Variants in NUDT6 observed in about 807,000 individuals in gnomAD.
NUDT6 encodes the protein nudix hydrolase 6.
A neutral mutation model predicts 36.8 loss-of-function variants in NUDT6; 24 were observed. That is an observed-to-expected ratio of 0.65 (90% CI 0.47 to 0.92). NUDT6 has a LOEUF of 0.92. Ranked by LOEUF, NUDT6 falls within the 40% of genes least tolerant of loss-of-function variation. The probability of loss-of-function intolerance (pLI) is 0.00; values close to 1 mark genes in which losing one functional copy is unlikely to be tolerated. For synonymous variants in NUDT6, 163 were observed against 157.0 expected (o/e 1.04, Z -0.29); for missense variants, 388 against 392.8 (o/e 0.99, Z 0.10).
chr4:122,893,420 G>A, intron 4 of NUDT6, 195 bp from the exon 5 acceptor site: 1 of 483,068 alleles, frequency 2.1e-6, no homozygotes, highest in Admixed American at 3.8e-5. Context: ...GTAAATTCAA[G>A]AAGCTTTTGA....
intron 4 of NUDT6, chr4:122,895,406 A>G (rs1288474683): frequency 2.0e-5 from 3 of 152,156 alleles, no homozygotes; most frequent in African/African-American, 4.8e-5. Context: ...TATATTTGTT[A>G]TTTCTATTTT....
chr4:122,917,720 A>G lies in NUDT6; in HGVS notation c.239-16T>C. 1 of 1,611,434 alleles carries G rather than the reference A, an allele frequency of 6.2e-7. No homozygotes were observed. The highest frequency in any genetic ancestry group is 1.7e-4 in the Middle Eastern group (1 of 6,030). On this transcript the variant is annotated splice_polypyrimidine_tract_variant and intron_variant, in intron 1 of 4. Transcript: ENST00000304430. ...TGTACTGCAGCTAAATGCAGAAGAA[A>G]AAAGTCTAAATAATTTCCAAAGAGA...
At chr4:122,917,434 G>A in intron 2 of NUDT6, 67 bp downstream of exon 2, 1 of 1,332,882 alleles carries the variant, frequency 7.5e-7, no homozygotes, top group Non-Finnish European at 1.1e-6. Context: ...TTGCTTAGCT[G>A]TAACAAGCAA....
At chr4:122,912,653 G>A (rs201613726) in intron 2 of NUDT6, 30 bp from the exon 3 acceptor site, 9 of 1,361,690 alleles carry the variant, frequency 6.6e-6, no homozygotes, top group Non-Finnish European at 9.4e-6. Flanking sequence ...AGATAATTGA[G>A]AAATATTAAT....
intron 4 of NUDT6, chr4:122,895,111 G>T (rs1727310022): frequency 6.6e-6 from 1 of 152,156 alleles, no homozygotes; most frequent in Admixed American, 6.5e-5. Flanking sequence ...AAGTGCTTTT[G>T]TCTCCAGAGT....
At chr4:122,922,111 C>T (rs531442051) in intron 1 of NUDT6, 3 of 410,384 alleles carry the variant, frequency 7.3e-6, no homozygotes, top group Non-Finnish European at 8.6e-6. Flanking sequence ...GGTTGCAGAT[C>T]CCAAAGTCCG....
chr4:122,900,218 G>A (rs886073595), intron 3 of NUDT6, among the ~76,000 whole-genome samples: 3 of 151,922 alleles, frequency 2.0e-5, no homozygotes, highest in East Asian at 1.9e-4. Flanking sequence ...ATCCTTTTCC[G>A]AAGCTTTTGT....
chr4:122,917,393 T>G, intron 2 of NUDT6, 108 bp downstream of exon 2: 1 of 972,804 alleles, frequency 1.0e-6, no homozygotes, highest in Admixed American at 1.8e-5. Flanking sequence ...AATCATTTAA[T>G]CAAATAACTC....
intron 3 of NUDT6, among the ~76,000 whole-genome samples, chr4:122,907,471 G>A (rs1319150251): frequency 1.3e-4 from 16 of 124,834 alleles, no homozygotes; most frequent in Non-Finnish European, 2.6e-4. Context: ...TTTTTTCTGA[G>A]ACAGAGTTTC....
chr4:122,906,321 C>A (rs1036189257), intron 3 of NUDT6, among the ~76,000 whole-genome samples: 1 of 152,124 alleles, frequency 6.6e-6, no homozygotes, highest in African/African-American at 2.4e-5. Flanking sequence ...GGCATCTAAA[C>A]AAGTTAACAA....
At chr4:122,918,647 C>T (rs1727901852) in intron 1 of NUDT6, 1 of 152,190 alleles carries the variant, frequency 6.6e-6, no homozygotes, top group Non-Finnish European at 1.5e-5. Flanking sequence ...TTTTCCCTAG[C>T]TCTGCAGGAA....
At chr4:122,910,234 T>C (rs983462064) in intron 3 of NUDT6, among the ~76,000 whole-genome samples, 123 of 152,300 alleles carry the variant, frequency 8.1e-4, no homozygotes, top group African/African-American at 2.8e-3. Context: ...GGGAGTTTGA[T>C]TTCTGTAAGC....
chr4:122,922,779 C>T (rs998795782), upstream of NUDT6: 2 of 583,966 alleles, frequency 3.4e-6, no homozygotes, highest in African/African-American at 1.9e-5. Flanking sequence ...CGGGGAAAAC[C>T]TCCTCCCCCA....
chr4:122,892,697 T>C lies in NUDT6; in HGVS notation c.*131A>G. On this transcript the variant is annotated 3_prime_UTR_variant, in exon 5 of 5. Transcript: ENST00000304430. ...AAGAGGCTTTTAAAATGTGCATGTT[T>C]AGAAACAAAATTTCTTCATGGAAAT... The C allele has an allele frequency of 7.3e-7, 1 of 1,362,106 alleles. No individual in the cohort carries two copies. Among genetic ancestry groups the C allele is most frequent in the Non-Finnish European group, 9.7e-7 (1 of 1,027,870 alleles). 84.4% of individuals were successfully genotyped at this position (1,362,106 alleles called of 1,614,324 possible). A position where few individuals can be genotyped will look rare whatever the true frequency, so the allele number is the denominator to read the frequency against.
chr4:122,922,746 C>CA, upstream of NUDT6: 1 of 609,568 alleles, frequency 1.6e-6, no homozygotes, highest in South Asian at 2.1e-5. Context: ...CCCTTCTCAG[C>CA]AATTTGCCCC....
At position 122,922,340 on chromosome 4, in the gene NUDT6, A is replaced by G; in HGVS notation, c.233T>C (p.Leu78Ser). The G allele has an allele frequency of 6.3e-7, 1 of 1,599,790 alleles. No homozygotes were observed. ...TTCGTCCCAGGCGCACTTGCCCTGC[A>G]AGCCCTTCTGGAAGGCGGCAGCGTC... The part of the protein sequence containing the change: ...RLDAAAFQKG[L>S]QAAVQQWRSE... The change falls in exon 1 of 5, where the codon TTG becomes TCG. Residue 78 changes from leucine (L) to serine (S), a missense_variant. Physicochemically the swap from Leu to Ser is moderately radical, Grantham distance 145. Coordinates refer to ENST00000304430, the MANE Select transcript of NUDT6 (RefSeq NM_007083.5).
At chr4:122,897,480 C>A in intron 4 of NUDT6, 144 bp downstream of exon 4, 1 of 671,964 alleles carries the variant, frequency 1.5e-6, no homozygotes, top group Non-Finnish European at 2.7e-6. Context: ...ATTATATCAG[C>A]TCTGAGGTAA....
rs1423313325 is a variant in NUDT6, at chr4:122,922,584, T to G, written c.-12A>C. On this transcript the variant is annotated 5_prime_UTR_variant, in exon 1 of 5. Coordinates refer to ENST00000304430, the MANE Select transcript of NUDT6 (RefSeq NM_007083.5). ...AGTGGCTGCCGCATCTCCACGCCGC[T>G]TAATTCGTCCGTTGCCCAAATGACC... is the stretch of plus-strand genomic sequence containing the variant. The G allele has an allele frequency of 8.8e-6, 14 of 1,587,856 alleles. No individual in the cohort carries two copies. The East Asian group carries it at 3.1e-4, about 36-fold the overall frequency.
chr4:122,904,981 G>A (rs892432175), intron 3 of NUDT6, among the ~76,000 whole-genome samples: 25 of 152,268 alleles, frequency 1.6e-4, no homozygotes, highest in African/African-American at 5.3e-4. Flanking sequence ...CCCAAAGAGC[G>A]AGCAGCAGCA....
Sources: gnomAD v4.1 joint callset for allele counts (sites outside exome capture counted in the v4.1 genomes callset) on GRCh38, gnomAD v4.1.1 for gene constraint, MANE v1.5 for transcripts, NCBI Gene and HGNC (gene_info 2026-07-23, HGNC 2026-07-21) for gene names.